ACYP2: variants seen among roughly 807,000 people sequenced by gnomAD.
The protein encoded by ACYP2 is acylphosphatase-2.
In ACYP2, 12 loss-of-function variants were observed where a neutral mutation model predicts 11.2. That is an observed-to-expected ratio of 1.08 (90% CI 0.69 to 1.74). ACYP2 has a LOEUF of 1.74. Among genes scored for constraint, ACYP2 ranks in the 40% most tolerant of loss-of-function variants. The probability of loss-of-function intolerance (pLI) is 0.00; values close to 1 mark genes in which losing one functional copy is unlikely to be tolerated. For missense variants in ACYP2, 134 were observed against 101.9 expected (o/e 1.31, Z -1.35); for synonymous variants, 43 against 32.2 (o/e 1.33, Z -1.13).
chr2:54,221,476 T>C (rs944273642), intron 6 of ACYP2, among the ~76,000 whole-genome samples: 2 of 151,608 alleles, frequency 1.3e-5, no homozygotes, highest in African/African-American at 2.4e-5. Context: ...TATTTGAGAG[T>C]TTTTCTTGGC....
At chr2:54,128,413 A>C (rs1680674651) in intron 4 of ACYP2, among the ~76,000 whole-genome samples, 1 of 152,044 alleles carries the variant, frequency 6.6e-6, no homozygotes, top group Non-Finnish European at 1.5e-5. Flanking sequence ...CATGCTTGTA[A>C]TCCCAGTGCT....
chr2:54,051,464 A>G (rs1395994761), intron 3 of ACYP2: 1 of 694,166 alleles, frequency 1.4e-6, no homozygotes, highest in Non-Finnish European at 2.6e-6. Flanking sequence ...ACAAAAAAGA[A>G]GTTTGAGGAT....
chr2:54,189,103 G>A (rs1177803803), intron 6 of ACYP2, among the ~76,000 whole-genome samples: 1 of 152,108 alleles, frequency 6.6e-6, no homozygotes, highest in African/African-American at 2.4e-5. Flanking sequence ...GATACATGTG[G>A]ATAGTAAAAT....
At chr2:54,304,031 A>C (rs140505223) in intron 6 of ACYP2, among the ~76,000 whole-genome samples, 64 of 152,348 alleles carry the variant, frequency 4.2e-4, no homozygotes, top group South Asian at 2.9e-3. Flanking sequence ...AAACCATTGC[A>C]CTAAATAAGA....
chr2:54,016,725 C>CTTTTTTTT (rs5831288), intron 2 of ACYP2, among the ~76,000 whole-genome samples: 1 of 129,712 alleles, frequency 7.7e-6, no homozygotes, highest in Non-Finnish European at 1.6e-5. Flanking sequence ...CCTTCAGTGT[C>CTTTTTTTT]TTTTTTTTTT....
At chr2:54,095,300 G>A (rs1229575099) in intron 4 of ACYP2, among the ~76,000 whole-genome samples, 3 of 152,158 alleles carry the variant, frequency 2.0e-5, no homozygotes, top group East Asian at 1.9e-4. Flanking sequence ...ACACAGACAC[G>A]GCAACCATCC....
chr2:54,241,174 C>T (rs1469584891), intron 6 of ACYP2, among the ~76,000 whole-genome samples: 2 of 152,172 alleles, frequency 1.3e-5, no homozygotes, highest in Non-Finnish European at 2.9e-5. Context: ...GCAGGAAAAA[C>T]ATTTTTTAAT....
At chr2:54,261,290 A>G (rs981570980) in intron 6 of ACYP2, among the ~76,000 whole-genome samples, 13 of 152,192 alleles carry the variant, frequency 8.5e-5, no homozygotes. Context: ...TATTCTGGCT[A>G]TAATTTTTTT....
chr2:54,022,023 T>C (rs1329727340), intron 2 of ACYP2, among the ~76,000 whole-genome samples: 2 of 152,164 alleles, frequency 1.3e-5, no homozygotes, highest in Middle Eastern at 3.2e-3. Flanking sequence ...TTACCAGTGG[T>C]ATTACTGAGC....
At chr2:53,984,984 A>G (rs2104513334) in intron 2 of ACYP2, among the ~76,000 whole-genome samples, 1 of 152,214 alleles carries the variant, frequency 6.6e-6, no homozygotes, top group African/African-American at 2.4e-5. Flanking sequence ...AAGGATGTTA[A>G]TTTTATGAAT....
intron 6 of ACYP2, chr2:54,255,770 C>T (rs556002259): frequency 2.5e-6 from 4 of 1,613,916 alleles, no homozygotes; most frequent in Non-Finnish European, 1.7e-6. Flanking sequence ...GTTTCTAGAG[C>T]CTTCTCCCCA....
chr2:54,135,594 A>G lies in ACYP2; in HGVS notation c.294+125A>G, dbSNP rs1407415579. 4.5e-6 allele frequency: 3 copies of G among 661,928 alleles called. No homozygotes were observed. The African/African-American group carries it at 5.6e-5, about 12-fold the overall frequency. The allele number at this position is 661,928 out of a possible 1,614,324, so 41.0% of individuals were successfully genotyped here. A position where few individuals can be genotyped will look rare whatever the true frequency, so the allele number is the denominator to read the frequency against. On this transcript the variant is annotated intron_variant, in intron 5 of 6. Transcript: ENST00000607452. Reference sequence around the variant, plus strand: ...TACTCCCTGTCCTTGACAGCAAATGAAGAAATATATGTATTTCTTTGAAAT... The same window carrying G: ...TACTCCCTGTCCTTGACAGCAAATGGAGAAATATATGTATTTCTTTGAAAT...
At chr2:54,263,010 G>A (rs1403364324) in intron 6 of ACYP2, among the ~76,000 whole-genome samples, 3 of 152,182 alleles carry the variant, frequency 2.0e-5, no homozygotes, top group African/African-American at 7.2e-5. Flanking sequence ...ACCTGAGGCT[G>A]GAGTTTGTGT....
At chr2:54,197,931 A>AT (rs1329068523) in intron 6 of ACYP2, among the ~76,000 whole-genome samples, 36 of 111,862 alleles carry the variant, frequency 3.2e-4, no homozygotes, top group Non-Finnish European at 4.8e-4. Flanking sequence ...TATTTTATTT[A>AT]TGTATGTATT....
intron 6 of ACYP2, among the ~76,000 whole-genome samples, chr2:54,283,252 T>C (rs1444009066): frequency 2.6e-5 from 4 of 152,218 alleles, no homozygotes; most frequent in African/African-American, 9.6e-5. Flanking sequence ...CCTATCTCTG[T>C]GACTAGGATT....
intron 6 of ACYP2, among the ~76,000 whole-genome samples, chr2:54,295,618 C>G (rs983378868): frequency 6.6e-6 from 1 of 151,824 alleles, no homozygotes; most frequent in Admixed American, 6.6e-5. Flanking sequence ...TCTTCGGGGT[C>G]GGGGGGTATT....
intron 4 of ACYP2, among the ~76,000 whole-genome samples, chr2:54,061,265 A>C (rs1214736871): frequency 6.6e-6 from 1 of 152,224 alleles, no homozygotes; most frequent in African/African-American, 2.4e-5. Flanking sequence ...TATTAAAAAT[A>C]TGTTGGTTTT....
At chr2:54,290,262 G>T (rs971648931) in intron 6 of ACYP2, among the ~76,000 whole-genome samples, 3 of 152,054 alleles carry the variant, frequency 2.0e-5, no homozygotes, top group African/African-American at 7.3e-5. Flanking sequence ...CACGGCCACA[G>T]AGACTGGTGC....
intron 2 of ACYP2, among the ~76,000 whole-genome samples, chr2:53,975,794 TG>T: frequency 6.6e-6 from 1 of 152,190 alleles, no homozygotes; most frequent in Non-Finnish European, 1.5e-5. Context: ...ATCGCGCCAC[TG>T]CACTCCAGCC....
Sources: gnomAD v4.1 joint callset for allele counts (sites outside exome capture counted in the v4.1 genomes callset) on GRCh38, gnomAD v4.1.1 for gene constraint, MANE v1.5 for transcripts, NCBI Gene and HGNC (gene_info 2026-07-23, HGNC 2026-07-21) for gene names.